The following LRRC49 variants were observed in gnomAD, a reference collection of about 807,000 sequenced individuals.
The protein encoded by LRRC49 is leucine-rich repeat-containing protein 49.
Under a neutral mutation model 83.3 loss-of-function variants are expected in LRRC49, and 50 were observed. That is an observed-to-expected ratio of 0.60 (90% CI 0.48 to 0.76). The LOEUF is 0.76. Among genes scored for constraint, LRRC49 ranks in the 30% least tolerant of loss-of-function variants. LRRC49 has a pLI of 0.00. For missense variants in LRRC49, 704 were observed against 809.1 expected, an observed-to-expected ratio of 0.87 and a Z score of 1.58; for synonymous variants, 286 against 283.3, an observed-to-expected ratio of 1.01 and a Z score of -0.10.
chr15:70,877,435 A>G (rs2033175060), intron 2 of LRRC49, among the ~76,000 whole-genome samples: 1 of 152,232 alleles, frequency 6.6e-6, no homozygotes, highest in Non-Finnish European at 1.5e-5. Flanking sequence ...ATTTTATACA[A>G]ATAGAAATAT....
intron 11 of LRRC49, among the ~76,000 whole-genome samples, chr15:71,002,481 C>G (rs1460848630): frequency 1.3e-5 from 2 of 152,094 alleles, no homozygotes; most frequent in East Asian, 3.9e-4. Flanking sequence ...TTTCTTTTCT[C>G]TGGCAGAAAT....
rs540383148 is a variant in LRRC49, at chr15:70,937,570, A to AT, written c.773+748_773+749insT. On this transcript the variant is annotated intron_variant, in intron 8 of 15. Coordinates refer to ENST00000260382, the MANE Select transcript of LRRC49 (RefSeq NM_017691.5). ...AATCTGCTTTTATAAGAGGGTAAAA[A>AT]ATATATATAAAAAGATTTAGAGCAT... 1.2e-4 allele frequency among the ~76,000 whole-genome samples: 18 copies of AT among 152,234 alleles called. No homozygotes were observed. The East Asian group carries it at 1.5e-3, about 13-fold the overall frequency.
intron 15 of LRRC49, among the ~76,000 whole-genome samples, chr15:71,042,896 G>A (rs987294466): frequency 2.6e-5 from 4 of 152,138 alleles, no homozygotes; most frequent in African/African-American, 7.2e-5. Flanking sequence ...TGACTGAGCC[G>A]CCTCTAGAAT....
chr15:70,911,211 C>G (rs1411289256), intron 5 of LRRC49, among the ~76,000 whole-genome samples: 1 of 152,120 alleles, frequency 6.6e-6, no homozygotes, highest in Non-Finnish European at 1.5e-5. Flanking sequence ...AGGTTAGTGC[C>G]TTGTAGGCAG....
intron 8 of LRRC49, among the ~76,000 whole-genome samples, chr15:70,961,700 A>C (rs2036606344): frequency 6.6e-6 from 1 of 152,234 alleles, no homozygotes; most frequent in African/African-American, 2.4e-5. Context: ...AAATGGCAGA[A>C]CTATAGTGAC....
intron 2 of LRRC49, among the ~76,000 whole-genome samples, chr15:70,875,137 A>T (rs557264827): frequency 4.6e-5 from 7 of 152,342 alleles, no homozygotes; most frequent in African/African-American, 1.7e-4. Context: ...TCTACAAAAT[A>T]AAAGTGTGAA....
At chr15:70,882,273 G>C (rs2033281785) in intron 2 of LRRC49, 1 of 521,528 alleles carries the variant, frequency 1.9e-6, no homozygotes, top group East Asian at 3.0e-5. Context: ...GATGTTTGTG[G>C]GTAGGTATTA....
chr15:70,877,055 T>A (rs562154876), intron 2 of LRRC49, among the ~76,000 whole-genome samples: 1 of 152,336 alleles, frequency 6.6e-6, no homozygotes, highest in South Asian at 2.1e-4. Context: ...TGACTTTTTC[T>A]GGGCCTTCAG....
chr15:70,880,236 A>C (rs1156491181), intron 2 of LRRC49, among the ~76,000 whole-genome samples: 1 of 152,196 alleles, frequency 6.6e-6, no homozygotes, highest in African/African-American at 2.4e-5. Context: ...CAGCTCAACA[A>C]ACCTCTCCCC....
chr15:70,860,907 G>C (rs560171195), intron 1 of LRRC49, among the ~76,000 whole-genome samples: 7 of 152,336 alleles, frequency 4.6e-5, no homozygotes, highest in African/African-American at 1.7e-4. Context: ...GATGTGAACA[G>C]AAAGGTTTTC....
At chr15:70,923,937 A>G (rs1038586242) in intron 7 of LRRC49, among the ~76,000 whole-genome samples, 3 of 151,966 alleles carry the variant, frequency 2.0e-5, no homozygotes, top group Admixed American at 6.6e-5. Context: ...CAGTACCACT[A>G]TCAAACTCAG....
chr15:70,970,997 G>C (rs1323522542), intron 9 of LRRC49, among the ~76,000 whole-genome samples: 1 of 152,080 alleles, frequency 6.6e-6, no homozygotes, highest in African/African-American at 2.4e-5. Context: ...GTTCTGCTCT[G>C]ATCTTAGTTA....
At chr15:71,047,631 G>A (rs2141314645) in intron 15 of LRRC49, among the ~76,000 whole-genome samples, 1 of 152,314 alleles carries the variant, frequency 6.6e-6, no homozygotes, top group South Asian at 2.1e-4. Flanking sequence ...AGCAAAGAGA[G>A]ATAGTTTGAC....
chr15:70,979,439 A>G (rs947857093), intron 9 of LRRC49, among the ~76,000 whole-genome samples: 2 of 151,068 alleles, frequency 1.3e-5, no homozygotes, highest in Admixed American at 6.6e-5. Flanking sequence ...TATTTCTATC[A>G]CTTCACCTGA....
At chr15:70,860,240 T>C in intron 1 of LRRC49, 1 of 614,692 alleles carries the variant, frequency 1.6e-6, no homozygotes, top group Admixed American at 2.7e-5. Flanking sequence ...GTGCATGGTA[T>C]CACAGGGAAC....
chr15:70,936,103 A>C lies in LRRC49; in HGVS notation c.712-658A>C, dbSNP rs564180456. ...ATATTTGTTAAGGTTAACTGTATTT[A>C]AACAGCAGTGGTATGTTTTTGGGGT... On this transcript the variant is annotated intron_variant, in intron 7 of 15. Coordinates refer to ENST00000260382, the MANE Select transcript of LRRC49 (RefSeq NM_017691.5). Among the ~76,000 whole-genome samples the C allele has an allele frequency of 6.6e-5, 10 of 152,264 alleles. No individual in the cohort carries two copies. In the South Asian group the frequency reaches 1.9e-3, roughly 28 times the overall value.
At chr15:71,029,145 C>G (rs1221192354) in intron 14 of LRRC49, among the ~76,000 whole-genome samples, 5 of 152,060 alleles carry the variant, frequency 3.3e-5, no homozygotes, top group African/African-American at 1.2e-4. Flanking sequence ...TGGTATGTGT[C>G]TATTTGTTCT....
chr15:70,949,730 C>T (rs2141177484), intron 8 of LRRC49, among the ~76,000 whole-genome samples: 1 of 152,280 alleles, frequency 6.6e-6, no homozygotes, highest in Middle Eastern at 3.4e-3. Context: ...TGTGTGAATA[C>T]AGTGTAGTAC....
In LRRC49 at chr15:70,894,573, A is replaced by G. The variant is rs753122832; in HGVS notation, c.105+933A>G. 10 of 1,240,384 alleles carry G rather than the reference A, an allele frequency of 8.1e-6. No homozygotes were observed. The South Asian group carries it at 1.2e-4, about 15-fold the overall frequency. The allele number at this position is 1,240,384 out of a possible 1,614,324, so 76.8% of individuals were successfully genotyped here. On this transcript the variant is annotated intron_variant, in intron 2 of 15. Transcript: ENST00000260382. ...TCTTTCCTTTCTGTCTCACCTCAGC[A>G]TTTATACTTACCTACTTTCTACACA...
Sources: allele counts gnomAD v4.1 joint callset (sites outside exome capture counted in the v4.1 genomes callset), GRCh38; gene constraint gnomAD v4.1.1; transcripts MANE v1.5; gene names NCBI Gene and HGNC (gene_info 2026-07-23, HGNC 2026-07-21).